MICAL1: variants seen among roughly 807,000 people sequenced by gnomAD.
The protein encoded by MICAL1 is microtubule associated monooxygenase, calponin and LIM domain containing 1.
A neutral mutation model predicts 131.8 loss-of-function variants in MICAL1; 95 were observed. The observed-to-expected ratio is 0.72, with a 90% CI of 0.61 to 0.86. The LOEUF is 0.86. Ranked by LOEUF, MICAL1 falls within the 40% of genes least tolerant of loss-of-function variation. MICAL1 has a pLI of 0.00. For missense variants in MICAL1, 1,292 were observed against 1,380.6 expected (o/e 0.94, Z 1.02); for synonymous variants, 546 against 554.2 (o/e 0.99, Z 0.21).
chr6:109,445,889 C>T (rs376371450), intron 19 of MICAL1, 27 bp from the exon 20 acceptor site: 101 of 1,581,966 alleles, frequency 6.4e-5, no homozygotes, highest in Middle Eastern at 1.8e-4. Context: ...AGACGTTCTA[C>T]TGCCTCCAGC....
chr6:109,449,713 G>C lies in MICAL1; in HGVS notation c.1378C>G (p.Leu460Val). 1 of 1,598,326 alleles carries C rather than the reference G, an allele frequency of 6.3e-7. No individual in the cohort carries two copies. Among genetic ancestry groups the C allele is most frequent in the Non-Finnish European group, 8.5e-7 (1 of 1,172,314 alleles). ...NMHRNVAQYG[L>V]DPATRYPNLN... ...TTGGGGTAGCGGGTGGCTGGGTCCA[G>C]CCCATACTGGGCCACATTGCGATGC... is the stretch of plus-strand genomic sequence containing the variant. The change falls in exon 10 of 25, where the codon CTG becomes GTG. Residue 460 changes from leucine (L) to valine (V), a missense_variant. Coordinates refer to ENST00000358807, the MANE Select transcript of MICAL1 (RefSeq NM_022765.4).
rs1456140429 is a variant in MICAL1 at position 109,455,753 on chromosome 6, T to C, written c.-78A>G. 2.1e-6 allele frequency: 2 copies of C among 945,644 alleles called. No individual in the cohort carries two copies. Among genetic ancestry groups the C allele is most frequent in the Non-Finnish European group, 2.4e-6 (2 of 818,840 alleles). The allele number at this position is 945,644 out of a possible 1,614,324, so 58.6% of individuals were successfully genotyped here. On this transcript the variant is annotated 5_prime_UTR_variant, in exon 1 of 25. Coordinates refer to ENST00000358807, the MANE Select transcript of MICAL1 (RefSeq NM_022765.4). The surrounding 1 kb of genome is among the most constrained non-coding windows in gnomAD (Gnocchi z 4.7). ...CGAAGCCGGGAGGGGCCGCTTCCTG[T>C]TGGGCTGGCAACCAGGTCTGAGCGG...
intron 12 of MICAL1, 25 bp from the exon 13 acceptor site, chr6:109,448,418 C>CA (rs761020450): frequency 3.7e-5 from 60 of 1,610,030 alleles, no homozygotes; most frequent in Non-Finnish European, 4.9e-5. Flanking sequence ...GGAGAAAAGC[C>CA]AACTAGAGAC....
intron 6 of MICAL1, 48 bp from the exon 7 acceptor site, chr6:109,451,748 T>C (rs1337092349): frequency 2.1e-5 from 33 of 1,606,600 alleles, no homozygotes; most frequent in Non-Finnish European, 2.8e-5. Context: ...TGATAATGCA[T>C]CACCTTCCCT....
upstream of MICAL1, among the ~76,000 whole-genome samples, chr6:109,460,602 AGCAGGAT>A (rs1410842488): frequency 6.6e-6 from 1 of 151,946 alleles, no homozygotes; most frequent in East Asian, 1.9e-4. Context: ...AGGATTTGAG[AGCAGGAT>A]AAACTATCAC....
rs1562293491 is a variant in MICAL1 at position 109,453,668 on chromosome 6, GC to G, written c.435del (p.Arg146AlafsTer20). 1 of 1,612,340 alleles carries G rather than the reference GC, an allele frequency of 6.2e-7. No homozygotes were observed. Among genetic ancestry groups the G allele is most frequent in the South Asian group, 1.1e-5 (1 of 90,906 alleles). On this transcript the variant is annotated frameshift_variant, in exon 3 of 25. Transcript: ENST00000358807. LOFTEE classifies it high-confidence loss of function. ...LRALGAKKFY[G>X]RFCTGTLDHI... ...TGGTCCAGGGTGCCGGTGCAGAAGC[GC>G]CCGTAGAACTTCTTAGCACCGAGTG...
chr6:109,465,602 G>A (rs1454626119), intron 1 of MICAL1: 3 of 1,504,890 alleles, frequency 2.0e-6, no homozygotes, highest in African/African-American at 2.8e-5. Flanking sequence ...GTCTTTATGA[G>A]ACATTGCAGA....
At chr6:109,448,951 G>A (rs997287528) in intron 11 of MICAL1, 72 bp from the exon 12 acceptor site, 2 of 1,578,922 alleles carry the variant, frequency 1.3e-6, no homozygotes, top group Non-Finnish European at 8.6e-7. Flanking sequence ...CCCAGCTGCT[G>A]CATGTGGGGG....
chr6:109,461,873 T>G (rs1244398463), intron 1 of MICAL1, among the ~76,000 whole-genome samples: 1 of 152,176 alleles, frequency 6.6e-6, no homozygotes, highest in Non-Finnish European at 1.5e-5. Context: ...ACTTACTGTA[T>G]GACATTTGGC....
chr6:109,454,588 CG>C, intron 1 of MICAL1: 1 of 288,212 alleles, frequency 3.5e-6, no homozygotes, highest in South Asian at 4.0e-5. Context: ...TCAGGGTGTG[CG>C]GGGATTTCTT....
chr6:109,460,923 TACC>T (rs1775871807), intron 1 of MICAL1, among the ~76,000 whole-genome samples: 1 of 152,212 alleles, frequency 6.6e-6, no homozygotes, highest in Non-Finnish European at 1.5e-5. Flanking sequence ...ATTTTCACCT[TACC>T]AGTAACTTTC....
At chr6:109,445,600 G>A (rs1775177610) in intron 20 of MICAL1, 71 bp from the exon 21 acceptor site, 1 of 1,580,214 alleles carries the variant, frequency 6.3e-7, no homozygotes, top group African/African-American at 1.3e-5. Context: ...GTTTGGAAAG[G>A]CAGAAAATAA....
In MICAL1 at chr6:109,453,671, C is replaced by A; in HGVS notation, c.433G>T (p.Gly145Trp). The A allele has an allele frequency of 6.2e-7, 1 of 1,612,998 alleles. No homozygotes were observed. Among genetic ancestry groups the A allele is most frequent in the Non-Finnish European group, 8.5e-7 (1 of 1,179,562 alleles). ...TCCAGGGTGCCGGTGCAGAAGCGCC[C>A]GTAGAACTTCTTAGCACCGAGTGCC... is the stretch of plus-strand genomic sequence containing the variant. ...LRALGAKKFYGRFCTGTLDHI... is the reference protein window; with the variant it reads ...LRALGAKKFYWRFCTGTLDHI... The change falls in exon 3 of 25, where the codon GGG becomes TGG. Residue 145 changes from glycine to tryptophan, a missense_variant. By Grantham distance (184) the Gly-to-Trp change is radical (BLOSUM62 -2). Coordinates refer to ENST00000358807, the MANE Select transcript of MICAL1 (RefSeq NM_022765.4).
intron 24 of MICAL1, 64 bp from the exon 25 acceptor site, chr6:109,444,403 C>T (rs1775113957): frequency 6.2e-7 from 1 of 1,602,982 alleles, no homozygotes; most frequent in East Asian, 2.2e-5. Flanking sequence ...GGGCCACAAC[C>T]TAATCCCAGC....
At chr6:109,445,890 T>A in intron 19 of MICAL1, 28 bp from the exon 20 acceptor site, 1 of 1,582,332 alleles carries the variant, frequency 6.3e-7, no homozygotes, top group Non-Finnish European at 8.6e-7. Flanking sequence ...GACGTTCTAC[T>A]GCCTCCAGCG....
intron 19 of MICAL1, 131 bp downstream of exon 19, chr6:109,446,005 G>A: frequency 4.1e-6 from 6 of 1,472,298 alleles, no homozygotes; most frequent in South Asian, 2.8e-5. Context: ...GAGAAGAATG[G>A]AGCAGAGGAG....
At position 109,455,559 on chromosome 6, in the gene MICAL1, A is replaced by C; in HGVS notation, c.-44+160T>G. Reference sequence around the variant, plus strand: ...GTGGGGGTCCCCGACACTGGACGGCAAAGTCCGGACGCGGCGTGAGCAGGG... The same window carrying C: ...GTGGGGGTCCCCGACACTGGACGGCCAAGTCCGGACGCGGCGTGAGCAGGG... On this transcript the variant is annotated intron_variant, in intron 1 of 24. Transcript: ENST00000358807. This position sits in a 1 kb window ranked among gnomAD's most constrained non-coding sequence, Gnocchi z 4.7. The C allele has an allele frequency of 2.6e-6, 1 of 382,682 alleles. No homozygotes were observed. The highest frequency in any genetic ancestry group is 3.6e-6 in the Non-Finnish European group (1 of 278,312). The allele number at this position is 382,682 out of a possible 1,614,324, so 23.7% of individuals were successfully genotyped here.
rs1775692313 is a variant in MICAL1 at position 109,455,067 on chromosome 6, C to G, written c.-44+652G>C. On this transcript the variant is annotated intron_variant, in intron 1 of 24. Transcript: ENST00000358807. This position sits in a 1 kb window ranked among gnomAD's most constrained non-coding sequence, Gnocchi z 4.7. Reference sequence around the variant, plus strand: ...CCTACCCCGCCCCGCCCCCTGTGCGCCCGGGCGCGCTCTCCCAGGAATCTC... The same window carrying G: ...CCTACCCCGCCCCGCCCCCTGTGCGGCCGGGCGCGCTCTCCCAGGAATCTC... 6.6e-6 allele frequency among the ~76,000 whole-genome samples: 1 copy of G among 151,800 alleles called. No individual in the cohort carries two copies. The highest frequency in any genetic ancestry group is 1.5e-5 in the Non-Finnish European group (1 of 67,850).
upstream of MICAL1, chr6:109,456,103 G>A: frequency 1.2e-6 from 1 of 836,304 alleles, no homozygotes; most frequent in Non-Finnish European, 1.4e-6. Flanking sequence ...GAGGGTCAGG[G>A]CGCCCAGTGC....
Sources: allele counts gnomAD v4.1 joint callset (sites outside exome capture counted in the v4.1 genomes callset), GRCh38; gene constraint gnomAD v4.1.1; non-coding constraint Gnocchi (gnomAD v3.1); transcripts MANE v1.5; gene names NCBI Gene and HGNC (gene_info 2026-07-23, HGNC 2026-07-21).